The following HPSE2 variants were observed in gnomAD, a reference collection of about 807,000 sequenced individuals.
The protein encoded by HPSE2 is inactive heparanase-2.
A neutral mutation model predicts 60.5 loss-of-function variants in HPSE2; 38 were observed. The ratio of observed to expected loss-of-function variants is 0.63; its 90% CI spans 0.48 to 0.82. The LOEUF (loss-of-function observed/expected upper bound fraction) is 0.82, where lower values mean the gene tolerates loss of function less well. HPSE2 is among the 40% of genes least tolerant of loss of function. The pLI is 0.00. For missense variants in HPSE2, 713 were observed against 740.4 expected, an observed-to-expected ratio of 0.96 and a Z score of 0.43; for synonymous variants, 295 against 293.2, an observed-to-expected ratio of 1.01 and a Z score of -0.06.
intron 3 of HPSE2, among the ~76,000 whole-genome samples, chr10:98,907,540 C>T (rs1301619630): frequency 6.6e-6 from 1 of 152,134 alleles, no homozygotes; most frequent in Non-Finnish European, 1.5e-5. Context: ...CACTGTAATT[C>T]TTCTGACAAG....
intron 6 of HPSE2, among the ~76,000 whole-genome samples, chr10:98,642,534 G>A (rs1403113413): frequency 2.6e-5 from 4 of 152,170 alleles, no homozygotes; most frequent in Non-Finnish European, 5.9e-5. Flanking sequence ...AATGATGAAT[G>A]TACAAAGGTG....
intron 9 of HPSE2, among the ~76,000 whole-genome samples, chr10:98,594,532 T>C (rs998436618): frequency 2.0e-5 from 3 of 152,150 alleles, no homozygotes; most frequent in African/African-American, 7.2e-5. Flanking sequence ...TTATTTTCCA[T>C]ATAAGTGCCA....
At chr10:98,909,345 T>A (rs545672489) in intron 3 of HPSE2, among the ~76,000 whole-genome samples, 1 of 152,120 alleles carries the variant, frequency 6.6e-6, no homozygotes, top group South Asian at 2.1e-4. Flanking sequence ...TTTTTTTTTT[T>A]TTTGGCCGGA....
chr10:99,025,219 C>T lies in HPSE2; in HGVS notation c.610+119019G>A, dbSNP rs79176338. ...GTTTTTATTGGTTTTCTTTTTGCTC[C>T]TTTGTTTGTTTATGCAAATAGTGTT... On this transcript the variant is annotated intron_variant, in intron 3 of 11. Transcript: ENST00000370552. Among the ~76,000 whole-genome samples, 275 of 152,014 alleles carry T rather than the reference C, an allele frequency of 1.8e-3. 1 individual carries two copies. Among genetic ancestry groups the T allele is most frequent in the African/African-American group, 6.1e-3 (253 of 41,488 alleles).
At chr10:98,518,460 C>A (rs1350216102) in intron 9 of HPSE2, among the ~76,000 whole-genome samples, 2 of 152,140 alleles carry the variant, frequency 1.3e-5, no homozygotes, top group Non-Finnish European at 2.9e-5. Flanking sequence ...AATCCCAGCA[C>A]TTCAGGAGGC....
chr10:99,281,247 A>ATATATAG, the HPSE2 span, among the ~76,000 whole-genome samples: 1 of 148,508 alleles, frequency 6.7e-6, no homozygotes, highest in African/African-American at 2.4e-5. Context: ...TAGTGCCTAT[A>ATATATAG]TTAATATATA....
chr10:99,249,552 G>A, the HPSE2 span, among the ~76,000 whole-genome samples: 1 of 152,294 alleles, frequency 6.6e-6, no homozygotes, highest in East Asian at 1.9e-4. Context: ...GACTTGCCTT[G>A]TCTCAGATGA....
rs1472149732 is a variant in HPSE2 at position 98,459,675 on chromosome 10, G to T, written c.1678C>A (p.Pro560Thr). 2 of 1,614,030 alleles carry T rather than the reference G, an allele frequency of 1.2e-6. No individual in the cohort carries two copies. The highest frequency in any genetic ancestry group is 2.7e-5 in the African/African-American group (2 of 74,940). ...GTCCGGCCGGCCCGAAGGGGGCGGG[G>T]CTTCAATTCTGGGAGGGTCCCGTCG... The part of the protein sequence containing the change: ...VDDGTLPELK[P>T]RPLRAGRTLV... Residue 560 changes from proline (P) to threonine (T), a missense_variant, in exon 12 of 12, where the codon CCC (proline) becomes ACC (threonine). Pro to Thr is a conservative substitution (Grantham distance 38, BLOSUM62 -1). Coordinates refer to ENST00000370552, the MANE Select transcript of HPSE2 (RefSeq NM_021828.5).
rs1187935193 is a variant in HPSE2, at chr10:98,773,899, T to C, written c.611-29843A>G. Reference sequence around the variant, plus strand: ...AGTGAGACCTTATCTCTACAAAAAATTTTAAAAATTAGCCAGGCATTGTGG... The same window carrying C: ...AGTGAGACCTTATCTCTACAAAAAACTTTAAAAATTAGCCAGGCATTGTGG... On this transcript the variant is annotated intron_variant, in intron 3 of 11. Transcript: ENST00000370552. Among the ~76,000 whole-genome samples, 4 of 151,968 alleles carry C rather than the reference T, an allele frequency of 2.6e-5. No homozygotes were observed. The East Asian group carries it at 5.8e-4, about 22-fold the overall frequency.
chr10:98,687,519 A>G (rs969514779), intron 6 of HPSE2, among the ~76,000 whole-genome samples: 3 of 152,218 alleles, frequency 2.0e-5, no homozygotes, highest in African/African-American at 2.4e-5. Context: ...ATTAGCAACT[A>G]ATTCCATCTG....
intron 2 of HPSE2, among the ~76,000 whole-genome samples, chr10:99,203,381 G>A (rs866123110): frequency 2.3e-4 from 35 of 151,844 alleles, no homozygotes; most frequent in African/African-American, 8.5e-4. Flanking sequence ...CAAACACCTG[G>A]CCAGTCCCTG....
chr10:98,552,177 T>C (rs912154407), intron 9 of HPSE2, among the ~76,000 whole-genome samples: 2 of 152,158 alleles, frequency 1.3e-5, no homozygotes, highest in Admixed American at 1.3e-4. Flanking sequence ...TTTTGGGATA[T>C]GCTGATATTT....
At chr10:99,268,328 A>C in the HPSE2 span, among the ~76,000 whole-genome samples, 3 of 152,112 alleles carry the variant, frequency 2.0e-5, no homozygotes, top group African/African-American at 4.8e-5. Flanking sequence ...CCTCCAAATA[A>C]ACCAAAACAG....
At chr10:98,508,181 T>C (rs1942263959) in intron 9 of HPSE2, among the ~76,000 whole-genome samples, 1 of 152,144 alleles carries the variant, frequency 6.6e-6, no homozygotes, top group South Asian at 2.1e-4. Flanking sequence ...TGAAGAAAAA[T>C]AGTGTCCATT....
the HPSE2 span, among the ~76,000 whole-genome samples, chr10:99,284,221 G>A: frequency 6.6e-6 from 1 of 152,068 alleles, no homozygotes; most frequent in Non-Finnish European, 1.5e-5. Flanking sequence ...ATGCAAGGAT[G>A]GTTCAACATA....
intron 3 of HPSE2, among the ~76,000 whole-genome samples, chr10:99,130,428 C>T (rs1845336303): frequency 6.6e-6 from 1 of 152,124 alleles, no homozygotes. Context: ...ATATAATACA[C>T]TATGATCAAG....
At chr10:99,212,626 G>A (rs1848988070) in intron 2 of HPSE2, among the ~76,000 whole-genome samples, 1 of 152,088 alleles carries the variant, frequency 6.6e-6, no homozygotes, top group Non-Finnish European at 1.5e-5. Flanking sequence ...GTAAAATGGT[G>A]GTTATTGTGG....
At chr10:98,943,642 C>T (rs1306197538) in intron 3 of HPSE2, among the ~76,000 whole-genome samples, 1 of 152,120 alleles carries the variant, frequency 6.6e-6, no homozygotes, top group Non-Finnish European at 1.5e-5. Context: ...CTCTCTCCCC[C>T]TGCTGTCTCT....
intron 3 of HPSE2, among the ~76,000 whole-genome samples, chr10:99,121,780 G>A (rs191154642): frequency 3.5e-4 from 54 of 152,168 alleles, no homozygotes; most frequent in African/African-American, 1.2e-3. Flanking sequence ...AAATATGCGG[G>A]AAGCAATCAC....
Sources: allele counts gnomAD v4.1 joint callset (sites outside exome capture counted in the v4.1 genomes callset), GRCh38; gene constraint gnomAD v4.1.1; transcripts MANE v1.5; gene names NCBI Gene and HGNC (gene_info 2026-07-23, HGNC 2026-07-21).